The following CDH13 variants were observed in gnomAD, a reference collection of about 807,000 sequenced individuals.
CDH13 encodes cadherin-13.
In CDH13, 24 loss-of-function variants were observed where a neutral mutation model predicts 63.8. The ratio of observed to expected loss-of-function variants is 0.38; its 90% CI spans 0.27 to 0.53. The LOEUF (loss-of-function observed/expected upper bound fraction) is 0.53, where lower values mean the gene tolerates loss of function less well. Among genes scored for constraint, CDH13 ranks in the 20% least tolerant of loss-of-function variants. The pLI, the probability that CDH13 is intolerant of heterozygous loss-of-function variation, is 0.85. For synonymous variants in CDH13, 503 were observed against 355.3 expected, an observed-to-expected ratio of 1.42 and a Z score of -4.67; for missense variants, 1,049 against 903.1, an observed-to-expected ratio of 1.16 and a Z score of -2.07.
intron 3 of CDH13, among the ~76,000 whole-genome samples, chr16:83,106,739 C>G (rs1334092668): frequency 6.6e-6 from 1 of 152,188 alleles, no homozygotes; most frequent in Non-Finnish European, 1.5e-5. Context: ...CACACCCTTC[C>G]ACTTCAACTT....
intron 6 of CDH13, among the ~76,000 whole-genome samples, chr16:83,440,519 C>A (rs1465134306): frequency 1.3e-5 from 2 of 152,108 alleles, no homozygotes; most frequent in East Asian, 3.9e-4. Context: ...GTGGCTTATG[C>A]CTGTAGTCCC....
chr16:82,724,672 G>A (rs192607957), intron 1 of CDH13, among the ~76,000 whole-genome samples: 37 of 152,330 alleles, frequency 2.4e-4, no homozygotes, highest in African/African-American at 4.8e-4. Context: ...AAAAGAGACT[G>A]TCATGTAAAC....
intron 1 of CDH13, among the ~76,000 whole-genome samples, chr16:82,729,292 A>G (rs1394235233): frequency 6.6e-6 from 1 of 152,180 alleles, no homozygotes; most frequent in Non-Finnish European, 1.5e-5. Flanking sequence ...CAGAGGAATT[A>G]CTATCTCTAG....
At chr16:82,970,592 G>A (rs1425013606) in intron 2 of CDH13, among the ~76,000 whole-genome samples, 3 of 117,730 alleles carry the variant, frequency 2.5e-5, no homozygotes, top group East Asian at 2.9e-4. Context: ...GTAGAGACGG[G>A]GTTTCACCTT....
Position 83,783,374 on chromosome 16 carries a change from T to G in CDH13, c.2036T>G (p.Val679Gly). 1 of 1,613,944 alleles carries G rather than the reference T, an allele frequency of 6.2e-7. No individual in the cohort carries two copies. Among genetic ancestry groups the G allele is most frequent in the Non-Finnish European group, 8.5e-7 (1 of 1,179,878 alleles). ...AATATCACAGATCTCAGGGTACAAG[T>G]GTGCTCCTGCAGGAATTCCAAAGTG... is the stretch of plus-strand genomic sequence containing the variant. ...MTNITDLRVQ[V>G]CSCRNSKVDC... Residue 679 changes from valine (V) to glycine (G), a missense_variant, in exon 13 of 14, where the codon GTG becomes GGG. Transcript: ENST00000567109.
chr16:82,815,400 G>T (rs1244759895), intron 1 of CDH13, among the ~76,000 whole-genome samples: 2 of 152,220 alleles, frequency 1.3e-5, no homozygotes, highest in East Asian at 3.9e-4. Context: ...TGGTTGTGAG[G>T]ATTACACGAG....
At chr16:82,790,466 G>A (rs2036245860) in intron 1 of CDH13, among the ~76,000 whole-genome samples, 1 of 152,052 alleles carries the variant, frequency 6.6e-6, no homozygotes. Context: ...TGCTAATTAT[G>A]CTGATTACTT....
chr16:83,249,534 C>T (rs995125546), intron 5 of CDH13, among the ~76,000 whole-genome samples: 1 of 152,168 alleles, frequency 6.6e-6, no homozygotes, highest in Non-Finnish European at 1.5e-5. Context: ...ATCCCAATAG[C>T]TACTTCATGA....
At chr16:82,912,826 C>A (rs1025098130) in intron 2 of CDH13, among the ~76,000 whole-genome samples, 1 of 151,948 alleles carries the variant, frequency 6.6e-6, no homozygotes, top group Non-Finnish European at 1.5e-5. Context: ...ACCTGTAGTC[C>A]CAGCTACTTG....
chr16:83,739,883 T>C (rs1212091509), intron 10 of CDH13: 1 of 152,248 alleles, frequency 6.6e-6, no homozygotes, highest in Non-Finnish European at 1.5e-5. Flanking sequence ...AAGGGTTAAG[T>C]AAGATAGATG....
At chr16:82,970,836 T>C (rs1240795473) in intron 2 of CDH13, among the ~76,000 whole-genome samples, 2 of 152,210 alleles carry the variant, frequency 1.3e-5, no homozygotes, top group Non-Finnish European at 2.9e-5. Context: ...TAATGACTTG[T>C]TTTACCTTTG....
intron 7 of CDH13, among the ~76,000 whole-genome samples, chr16:83,566,030 G>A (rs533128337): frequency 1.1e-4 from 16 of 152,318 alleles, no homozygotes; most frequent in South Asian, 4.1e-4. Flanking sequence ...ACGCAGGTGT[G>A]AGAAGCTTTG....
At chr16:82,684,657 G>GAGTCTCTACTGT (rs2150965690) in intron 1 of CDH13, among the ~76,000 whole-genome samples, 1 of 151,878 alleles carries the variant, frequency 6.6e-6, no homozygotes, top group African/African-American at 2.4e-5. Context: ...GTCTCTACTG[G>GAGTCTCTACTGT]TTCCATAGCA....
At chr16:82,657,149 A>G (rs1487313841) in intron 1 of CDH13, among the ~76,000 whole-genome samples, 1 of 151,362 alleles carries the variant, frequency 6.6e-6, no homozygotes, top group African/African-American at 2.4e-5. Context: ...GAAACTATGG[A>G]TTGTACCAAG....
rs187361811 is a variant in CDH13, at chr16:82,836,336, G to T, written c.46-22026G>T. On this transcript the variant is annotated intron_variant, in intron 1 of 13. Coordinates refer to ENST00000567109, the MANE Select transcript of CDH13 (RefSeq NM_001257.5). ...GTTATTTTTCTGTATTTTTAGTAGA[G>T]ACTGGGTTTCGCCATGTTAAGCAGG... 2.9e-3 allele frequency among the ~76,000 whole-genome samples: 447 copies of T among 152,216 alleles called. 1 individual carries two copies. The highest frequency in any genetic ancestry group is 0.01 in the African/African-American group (435 of 41,534).
At chr16:83,619,092 CA>C (rs2150774476) in intron 8 of CDH13, among the ~76,000 whole-genome samples, 1 of 152,358 alleles carries the variant, frequency 6.6e-6, no homozygotes, top group Admixed American at 6.5e-5. Context: ...GTTTGTGTAT[CA>C]CACGTGATAA....
chr16:82,832,630 C>T (rs148261081), intron 1 of CDH13, among the ~76,000 whole-genome samples: 2 of 151,764 alleles, frequency 1.3e-5, no homozygotes, highest in Non-Finnish European at 2.9e-5. Context: ...CTTAAACATT[C>T]TTTTCAACTA....
At chr16:83,473,970 G>T (rs1400446764) in intron 6 of CDH13, among the ~76,000 whole-genome samples, 1 of 152,098 alleles carries the variant, frequency 6.6e-6, no homozygotes, top group African/African-American at 2.4e-5. Context: ...CCTCATAAAG[G>T]TTAGCTCCCC....
chr16:83,089,392 C>G (rs1000176103), intron 3 of CDH13, among the ~76,000 whole-genome samples: 4 of 152,212 alleles, frequency 2.6e-5, no homozygotes, highest in African/African-American at 4.8e-5. Flanking sequence ...AGGCACTATT[C>G]TATCCATTAG....
Sources: allele counts gnomAD v4.1 joint callset (sites outside exome capture counted in the v4.1 genomes callset), GRCh38; gene constraint gnomAD v4.1.1; transcripts MANE v1.5; gene names NCBI Gene and HGNC (gene_info 2026-07-23, HGNC 2026-07-21).